Variants in TMEM74 observed in about 807,000 individuals in gnomAD.
TMEM74 encodes the protein transmembrane protein 74.
TMEM74 carries 13 observed loss-of-function variants against 18.1 expected under a neutral mutation model. The ratio of observed to expected loss-of-function variants is 0.72; its 90% CI spans 0.47 to 1.14. TMEM74 has a LOEUF of 1.14. Among genes scored for constraint, TMEM74 ranks in the 50% most tolerant of loss-of-function variants. The pLI, the probability that TMEM74 is intolerant of heterozygous loss-of-function variation, is 0.00. For missense variants in TMEM74, 372 were observed against 375.9 expected, an observed-to-expected ratio of 0.99 and a Z score of 0.09; for synonymous variants, 159 against 146.6, an observed-to-expected ratio of 1.08 and a Z score of -0.61.
chr8:108,664,019 C>G (rs1229276222), intron 1 of TMEM74, among the ~76,000 whole-genome samples: 1 of 152,114 alleles, frequency 6.6e-6, no homozygotes, highest in Non-Finnish European at 1.5e-5. Flanking sequence ...GGCTTAATAT[C>G]TGGGTGATGG....
downstream of TMEM74, among the ~76,000 whole-genome samples, chr8:108,775,265 A>C (rs918684903): frequency 5.3e-5 from 8 of 152,110 alleles, no homozygotes; most frequent in African/African-American, 1.9e-4. Flanking sequence ...ATTGTTTCCA[A>C]GGCCCCTCAT....
At chr8:108,699,145 T>TTTCCTTCCTTCCTTCCTTCC (rs150848011) in intron 1 of TMEM74, among the ~76,000 whole-genome samples, 22 of 68,766 alleles carry the variant, frequency 3.2e-4, no homozygotes, top group Admixed American at 5.2e-4. Context: ...CCCTCCCTCT[T>TTTCCTTCCTTCCTTCCTTCC]TTCCTTCCTT....
chr8:108,689,784 C>T (rs778160190), intron 1 of TMEM74, among the ~76,000 whole-genome samples: 42 of 152,108 alleles, frequency 2.8e-4, no homozygotes, highest in Admixed American at 1.7e-3. Flanking sequence ...TCAGCTTACC[C>T]GGCACCTGAA....
intron 1 of TMEM74, among the ~76,000 whole-genome samples, chr8:108,764,145 C>G (rs1384716047): frequency 6.6e-6 from 1 of 152,054 alleles, no homozygotes; most frequent in Non-Finnish European, 1.5e-5. Context: ...CTCCACAACA[C>G]AAACAAGATA....
At chr8:108,644,209 C>T (rs191446356) in intron 2 of TMEM74, among the ~76,000 whole-genome samples, 2 of 152,238 alleles carry the variant, frequency 1.3e-5, no homozygotes, top group Admixed American at 6.5e-5. Context: ...AAACCTACAG[C>T]CTTGTCGATC....
intron 1 of TMEM74, among the ~76,000 whole-genome samples, chr8:108,741,422 T>C (rs949961314): frequency 1.3e-5 from 2 of 152,222 alleles, no homozygotes; most frequent in Non-Finnish European, 2.9e-5. Flanking sequence ...TATGTACTGA[T>C]ATGAAATGCT....
At position 108,663,118 on chromosome 8, in the gene TMEM74, T is replaced by G. The variant is rs139599520; in HGVS notation, n.120-7681A>C. 3.2e-3 allele frequency among the ~76,000 whole-genome samples: 492 copies of G among 152,236 alleles called. 3 individuals carry two copies. The highest frequency in any genetic ancestry group is 0.011 in the African/African-American group (477 of 41,528). The stretch of plus-strand genomic sequence containing the variant: ...GGATCTAATTAAACTAAAGAGCTTC[T>G]GCACAGCAAAAGAAACTGTCATCAG... On this transcript the variant is annotated intron_variant and non_coding_transcript_variant, in intron 1 of 3. Coordinates refer to the TMEM74 transcript ENST00000518838.
chr8:108,734,561 A>T (rs915713577), intron 1 of TMEM74, among the ~76,000 whole-genome samples: 1 of 152,090 alleles, frequency 6.6e-6, no homozygotes, highest in Admixed American at 6.5e-5. Flanking sequence ...CATCTCTATT[A>T]TGTTCAGTGC....
intron 1 of TMEM74, among the ~76,000 whole-genome samples, chr8:108,787,232 G>A (rs569468296): frequency 3.3e-5 from 5 of 152,274 alleles, no homozygotes; most frequent in African/African-American, 9.6e-5. Context: ...CGCCCTGTGC[G>A]AGCAAAGCCG....
At chr8:108,656,131 T>A (rs1271662334) in intron 1 of TMEM74, among the ~76,000 whole-genome samples, 1 of 152,182 alleles carries the variant, frequency 6.6e-6, no homozygotes, top group East Asian at 1.9e-4. Context: ...AGAGGCAGAC[T>A]AATTTCAAGA....
intron 2 of TMEM74, among the ~76,000 whole-genome samples, chr8:108,641,105 T>C (rs1812661394): frequency 6.6e-6 from 1 of 152,180 alleles, no homozygotes; most frequent in Non-Finnish European, 1.5e-5. Flanking sequence ...TGCTTTGTTA[T>C]TTTCTTAATT....
chr8:108,702,080 C>T (rs1040084185), intron 1 of TMEM74, among the ~76,000 whole-genome samples: 8 of 152,002 alleles, frequency 5.3e-5, no homozygotes, highest in African/African-American at 1.9e-4. Flanking sequence ...CATGGTGGCT[C>T]ATGCTGGCAA....
chr8:108,756,680 G>GAAAGAAAGAA (rs1426135769), intron 1 of TMEM74, among the ~76,000 whole-genome samples: 1 of 107,062 alleles, frequency 9.3e-6, no homozygotes, highest in Non-Finnish European at 1.8e-5. Context: ...AAGAAAGAAA[G>GAAAGAAAGAA]AAAGAAAGAA....
rs944742203 is a variant in TMEM74, at chr8:108,660,829, G to A, written n.120-5392C>T. Reference sequence around the variant, plus strand: ...TGGGAGAAGAGAACAGATTTTAACCGTTGCTTATTTTGTATATTTGTAGCT... The same window carrying A: ...TGGGAGAAGAGAACAGATTTTAACCATTGCTTATTTTGTATATTTGTAGCT... On this transcript the variant is annotated intron_variant and non_coding_transcript_variant, in intron 1 of 3. Transcript: ENST00000518838. Among the ~76,000 whole-genome samples, 9 of 151,928 alleles carry A rather than the reference G, an allele frequency of 5.9e-5. No homozygotes were observed. In the South Asian group the frequency reaches 1.0e-3, roughly 18 times the overall value.
At chr8:108,633,102 T>G (rs770761900) in intron 2 of TMEM74, among the ~76,000 whole-genome samples, 7 of 152,014 alleles carry the variant, frequency 4.6e-5, no homozygotes, top group Non-Finnish European at 5.9e-5. Flanking sequence ...AAGCCTTGGT[T>G]GTTTCTGTGA....
At chr8:108,630,368 A>T (rs1812538734) in intron 2 of TMEM74, among the ~76,000 whole-genome samples, 2 of 152,094 alleles carry the variant, frequency 1.3e-5, no homozygotes, top group Non-Finnish European at 2.9e-5. Flanking sequence ...AGACTCCCAC[A>T]CAATAATAGT....
intron 1 of TMEM74, among the ~76,000 whole-genome samples, chr8:108,738,058 A>ATC (rs1460833030): frequency 7.2e-5 from 11 of 152,056 alleles, no homozygotes; most frequent in Admixed American, 5.2e-4. Context: ...CTGTTTAGGA[A>ATC]TCTCTCCCCC....
chr8:108,689,877 C>T (rs1176394554), intron 1 of TMEM74, among the ~76,000 whole-genome samples: 2 of 152,142 alleles, frequency 1.3e-5, no homozygotes, highest in Non-Finnish European at 2.9e-5. Flanking sequence ...ACCCCCTCCT[C>T]TCCATTTCTC....
At chr8:108,626,388 TA>T (rs1364494841) in intron 2 of TMEM74, among the ~76,000 whole-genome samples, 3 of 152,080 alleles carry the variant, frequency 2.0e-5, no homozygotes, top group Admixed American at 2.0e-4. Flanking sequence ...TTGGCTTACA[TA>T]TGTAACAAAA....
Sources: allele counts gnomAD v4.1 joint callset (sites outside exome capture counted in the v4.1 genomes callset), GRCh38; gene constraint gnomAD v4.1.1; transcripts MANE v1.5; gene names NCBI Gene and HGNC (gene_info 2026-07-23, HGNC 2026-07-21).